The following FLNA variants were observed in gnomAD, a reference collection of about 807,000 sequenced individuals.
FLNA encodes filamin-A.
A neutral mutation model predicts 157.6 loss-of-function variants in FLNA; 7 were observed. That is an observed-to-expected ratio of 0.04 (90% confidence interval 0.03 to 0.08). FLNA has a LOEUF of 0.08. Ranked by LOEUF, FLNA falls within the 10% of genes least tolerant of loss-of-function variation. FLNA has a pLI of 1.00. For synonymous variants in FLNA, 1,103 were observed against 1,060.8 expected (o/e 1.04, Z -0.77); for missense variants, 1,750 against 2,398.4 (o/e 0.73, Z 5.65).
At chrX:154,358,894 GT>G in intron 26 of FLNA, 89 bp downstream of exon 26, 1 of 1,033,675 alleles carries the variant, frequency 9.7e-7, no homozygotes, top group South Asian at 1.9e-5. Context: ...CTGCACTCTG[GT>G]CCTCACTTTG....
At chrX:154,361,213 A>AT in intron 21 of FLNA, 95 bp downstream of exon 21, 24 of 812,276 alleles carry the variant, frequency 3.0e-5, no homozygotes, top group Non-Finnish European at 3.7e-5. Context: ...AAAAAAAAAA[A>AT]GGATTTAGGG....
At chrX:154,351,477 G>T in intron 43 of FLNA, 104 bp downstream of exon 43, 1 of 568,579 alleles carries the variant, frequency 1.8e-6, no homozygotes. Context: ...CCAGAGCTGG[G>T]CCAGGGGGGT....
chrX:154,352,530 C>T, intron 40 of FLNA, 23 bp downstream of exon 40: 1 of 1,211,501 alleles, frequency 8.3e-7, no homozygotes, highest in Non-Finnish European at 1.1e-6. Context: ...AGGACCCCTC[C>T]CCAGGCTTCC....
At position 154,368,041 on chromosome X, in the gene FLNA, G is replaced by A. The variant is rs782198156; in HGVS notation, c.423C>T (p.Ile141=). The change falls in exon 3 of 48, where the codon ATC becomes ATT. Residue 141 remains isoleucine, a synonymous_variant. Coordinates refer to ENST00000369850, the MANE Select transcript of FLNA (RefSeq NM_001110556.2). The part of the protein sequence containing the change: ...DGNLKLILGL[I]WTLILHYSIS... ...TGGAGTAGTGCAGGATCAGGGTCCA[G>A]ATGAGGCCCAGGATCAGCTTCAGGT... 1.6e-5 allele frequency: 19 copies of A among 1,207,332 alleles called. No homozygotes were observed. In the Admixed American group the frequency reaches 4.1e-4, roughly 26 times the overall value.
chrX:154,363,827 G>C (rs782570551), intron 15 of FLNA, among the ~76,000 whole-genome samples, 195 bp downstream of exon 15: 4 of 112,411 alleles, frequency 3.6e-5, no homozygotes, highest in African/African-American at 1.3e-4. Context: ...AGACACAAAA[G>C]GCCACATGGC....
At chrX:154,349,216 T>G (rs1218828689) in intron 47 of FLNA, 146 bp downstream of exon 47, 32 of 767,138 alleles carry the variant, frequency 4.2e-5, no homozygotes, top group Non-Finnish European at 5.9e-5. Context: ...GGTCTTTGTT[T>G]GAGGGGTCCA....
intron 16 of FLNA, 38 bp from the exon 17 acceptor site, chrX:154,362,616 G>T: frequency 3.3e-6 from 4 of 1,210,954 alleles, no homozygotes; most frequent in Non-Finnish European, 4.5e-6. Context: ...AGACCTCGCA[G>T]GGACACCCCA....
At chrX:154,354,583 T>C (rs782249185) in intron 32 of FLNA, 33 bp downstream of exon 32, 14 of 1,179,433 alleles carry the variant, frequency 1.2e-5, no homozygotes, top group African/African-American at 3.5e-5. Context: ...CCCAGCTGGC[T>C]AGCCCCAGTG....
chrX:154,369,248 C>A (rs1355808224), intron 2 of FLNA, among the ~76,000 whole-genome samples: 2 of 112,296 alleles, frequency 1.8e-5, no homozygotes, highest in African/African-American at 3.2e-5. Context: ...CTTTCACTCT[C>A]CCCAAATGGC....
At position 154,366,489 on chromosome X, in the gene FLNA, G is replaced by A. The variant is rs369196285; in HGVS notation, c.1066-19C>T. 237 of 1,209,901 alleles carry A rather than the reference G, an allele frequency of 2.0e-4. No homozygotes were observed. In the African/African-American group the frequency reaches 3.2e-3, roughly 16 times the overall value. Reference sequence around the variant, plus strand: ...CAGTAACCTGTCCCCAGAAGGGTGGGCCGTGAGGGTAGGGCTGGGGGCCTC... The same window carrying A: ...CAGTAACCTGTCCCCAGAAGGGTGGACCGTGAGGGTAGGGCTGGGGGCCTC... On this transcript the variant is annotated intron_variant, in intron 7 of 47. Transcript: ENST00000369850.
chrX:154,366,432 G>A lies in FLNA; in HGVS notation c.1104C>T (p.Ser368=), dbSNP rs782729654. Reference sequence around the variant, plus strand: ...ACTTATCCACGTACACCTCGAAGGGGCTCTTGGCGATGTGCTGGCCAGCAA... The same window carrying A: ...ACTTATCCACGTACACCTCGAAGGGACTCTTGGCGATGTGCTGGCCAGCAA... ...VLFAGQHIAK[S]PFEVYVDKSQ... The change falls in exon 8 of 48, where the codon AGC becomes AGT. Residue 368 remains serine (S), a synonymous_variant. Transcript: ENST00000369850. 5 of 1,210,087 alleles carry A rather than the reference G, an allele frequency of 4.1e-6. No individual in the cohort carries two copies. The East Asian group carries it at 8.9e-5, about 21-fold the overall frequency.
In FLNA at chrX:154,359,695, C is replaced by G. The variant is rs782256054; in HGVS notation, c.3979+37G>C. On this transcript the variant is annotated intron_variant, in intron 23 of 47. Transcript: ENST00000369850. The stretch of plus-strand genomic sequence containing the variant: ...GGAGGAGCCCGGGCCACCCCACCCA[C>G]CCCGTCTGCCAGCCTGTGGGAGTCC... 3.9e-4 allele frequency: 476 copies of G among 1,208,831 alleles called. 4 individuals are homozygous for G. The South Asian group carries it at 7.9e-3, about 20-fold the overall frequency.
rs782291003 is a variant in FLNA, at chrX:154,366,484, G to T, written c.1066-14C>A. ...GAGCACAGTAACCTGTCCCCAGAAG[G>T]GTGGGCCGTGAGGGTAGGGCTGGGG... On this transcript the variant is annotated splice_polypyrimidine_tract_variant and intron_variant, in intron 7 of 47. Transcript: ENST00000369850. 4.1e-6 allele frequency: 5 copies of T among 1,211,374 alleles called. No homozygotes were observed. The highest frequency in any genetic ancestry group is 4.5e-6 in the Non-Finnish European group (4 of 895,108).
chrX:154,365,463 C>T lies in FLNA; in HGVS notation c.1453G>A (p.Ala485Thr). The change falls in exon 10 of 48, where the codon GCG becomes ACG. Residue 485 changes from alanine to threonine, a missense_variant. Physicochemically the swap from Ala to Thr is moderately conservative, Grantham distance 58. This residue lies in a region of FLNA where 648 missense variants were observed against 805.8 expected (regional missense o/e 0.80). Coordinates refer to ENST00000369850, the MANE Select transcript of FLNA (RefSeq NM_001110556.2). ...GQACNPSACR[A>T]VGRGLQPKGV... Reference sequence around the variant, plus strand: ...TTGGGCTGGAGGCCCCGGCCAACCGCCCGGCAGGCACTCGGGTTACAGGCT... The same window carrying T: ...TTGGGCTGGAGGCCCCGGCCAACCGTCCGGCAGGCACTCGGGTTACAGGCT... 1 of 1,211,603 alleles carries T rather than the reference C, an allele frequency of 8.3e-7. No homozygotes were observed. Among genetic ancestry groups the T allele is most frequent in the South Asian group, 1.8e-5 (1 of 57,052 alleles).
intron 6 of FLNA, 41 bp downstream of exon 6, chrX:154,366,691 G>A (rs927111072): frequency 8.3e-7 from 1 of 1,200,310 alleles, no homozygotes; most frequent in East Asian, 3.0e-5. Context: ...CCCACTGAAA[G>A]GGAGCGCTGC....
rs782171476 is a variant in FLNA, at chrX:154,358,438, C to T, written c.4598+7G>A. ...ACTCCCCACAGGCAGCAGGCCCTGC[C>T]TCTTACCTCCGGGGTACCTCTTCAT... On this transcript the variant is annotated splice_region_variant and intron_variant, in intron 27 of 47. Coordinates refer to ENST00000369850, the MANE Select transcript of FLNA (RefSeq NM_001110556.2). The T allele has an allele frequency of 1.7e-6, 2 of 1,209,839 alleles. No individual in the cohort carries two copies. Among genetic ancestry groups the T allele is most frequent in the South Asian group, 3.5e-5 (2 of 56,799 alleles).
At position 154,354,675 on chromosome X, in the gene FLNA, G is replaced by A. The variant is rs1557176519; in HGVS notation, c.5254C>T (p.Leu1752=). 2.5e-6 allele frequency: 3 copies of A among 1,206,992 alleles called. No homozygotes were observed. The highest frequency in any genetic ancestry group is 3.4e-6 in the Non-Finnish European group (3 of 893,560). ...TGTGGGGCCAGCTGCTGAGACCGTA[G>A]AGGGGGCTGCACCGAGGGCTGGTCC... ...AGDQPSVQPP[L]RSQQLAPQYT... is the part of the protein sequence containing the mutation. Residue 1752 remains leucine (L), a synonymous_variant, in exon 32 of 48, where the codon CTA becomes TTA. Coordinates refer to ENST00000369850, the MANE Select transcript of FLNA (RefSeq NM_001110556.2).
At chrX:154,351,397 C>T (rs1203384536) in intron 43 of FLNA, 184 bp downstream of exon 43, 3 of 446,141 alleles carry the variant, frequency 6.7e-6, no homozygotes, top group African/African-American at 4.9e-5. Context: ...AAAAACTCCA[C>T]GTGGTGGGCA....
chrX:154,360,266 C>T lies in FLNA; in HGVS notation c.3529G>A (p.Glu1177Lys), dbSNP rs1557177738. 2 of 1,211,877 alleles carry T rather than the reference C, an allele frequency of 1.7e-6. No individual in the cohort carries two copies. The highest frequency in any genetic ancestry group is 3.0e-5 in the East Asian group (1 of 33,887). Residue 1177 changes from glutamate to lysine, a missense_variant, in exon 22 of 48, where the codon GAG becomes AAG. Transcript: ENST00000369850. ...CAGTCCACTTGGAATTGGCCCACCT[C>T]CCCAGCGGTGGCCCGCTCCAGCCCG... is the stretch of plus-strand genomic sequence containing the variant. ...GPGLERATAG[E>K]VGQFQVDCSS...
Sources: gnomAD v4.1 joint callset for allele counts (sites outside exome capture counted in the v4.1 genomes callset) on GRCh38, gnomAD v4.1.1 for gene constraint, gnomAD v4.1.1 regional missense constraint, MANE v1.5 for transcripts, NCBI Gene and HGNC (gene_info 2026-07-23, HGNC 2026-07-21) for gene names.